Variants in TSPAN5 observed in about 807,000 individuals in gnomAD.
The protein encoded by TSPAN5 is tetraspanin 5.
In TSPAN5, 10 loss-of-function variants were observed where a neutral mutation model predicts 37.1. That is an observed-to-expected ratio of 0.27 (90% CI 0.17 to 0.46). The LOEUF is 0.46. TSPAN5 is among the 20% of genes least tolerant of loss of function. The probability of loss-of-function intolerance (pLI) is 1.00; values close to 1 mark genes in which losing one functional copy is unlikely to be tolerated. For synonymous variants in TSPAN5, 110 were observed against 118.9 expected (o/e 0.93, Z 0.48); for missense variants, 195 against 326.6 (o/e 0.60, Z 3.11).
At chr4:98,631,762 A>T (rs753721829) in intron 1 of TSPAN5, among the ~76,000 whole-genome samples, 4 of 152,200 alleles carry the variant, frequency 2.6e-5, no homozygotes, top group Non-Finnish European at 4.4e-5. Flanking sequence ...CTTGCAAAGC[A>T]TGTTCTCCTG....
chr4:98,653,648 G>A (rs531780499), intron 1 of TSPAN5, among the ~76,000 whole-genome samples: 9 of 152,078 alleles, frequency 5.9e-5, no homozygotes, highest in Admixed American at 2.0e-4. Context: ...GCCCTGTATG[G>A]AACCAGTATA....
chr4:98,544,064 T>A (rs1011021414), intron 1 of TSPAN5, among the ~76,000 whole-genome samples: 2 of 151,964 alleles, frequency 1.3e-5, no homozygotes, highest in Non-Finnish European at 2.9e-5. Context: ...CCTGTAGTCC[T>A]AGCTACTCGG....
chr4:98,543,486 G>A (rs1754405511), intron 1 of TSPAN5, among the ~76,000 whole-genome samples: 1 of 151,456 alleles, frequency 6.6e-6, no homozygotes, highest in Non-Finnish European at 1.5e-5. Context: ...CGTGATCTCG[G>A]CTCACCACAA....
At chr4:98,588,577 G>C (rs1041346586) in intron 1 of TSPAN5, among the ~76,000 whole-genome samples, 1 of 151,680 alleles carries the variant, frequency 6.6e-6, no homozygotes, top group African/African-American at 2.4e-5. Flanking sequence ...CATTATTGTT[G>C]AAATCTTCCA....
chr4:98,482,460 C>A (rs1752865201), intron 3 of TSPAN5: 2 of 242,964 alleles, frequency 8.2e-6, no homozygotes, highest in South Asian at 8.5e-5. Context: ...TCTCATTAGA[C>A]CCACATTAAG....
At chr4:98,533,552 T>TTTTTTTC (rs1754152265) in intron 1 of TSPAN5, among the ~76,000 whole-genome samples, 1 of 111,334 alleles carries the variant, frequency 9.0e-6, no homozygotes, top group African/African-American at 3.8e-5. Context: ...TCTTTTTTTT[T>TTTTTTTC]TTTTTTTTTT....
Position 98,645,281 on chromosome 4 carries a change from G to A in TSPAN5, c.81+12865C>T, listed in dbSNP as rs138577046. ...ACCAATAATAGCTACCTAGAAGTTAGTAAGTCATATTATTGTCATTATATG... is the reference window on the plus strand; with the variant it reads ...ACCAATAATAGCTACCTAGAAGTTAATAAGTCATATTATTGTCATTATATG... On this transcript the variant is annotated intron_variant, in intron 1 of 7. Transcript: ENST00000305798. Among the ~76,000 whole-genome samples, 257 of 152,280 alleles carry A rather than the reference G, an allele frequency of 1.7e-3. 1 individual carries two copies. Among genetic ancestry groups the A allele is most frequent in the African/African-American group, 6.0e-3 (249 of 41,558 alleles).
chr4:98,576,799 G>A (rs1254189110), intron 1 of TSPAN5, among the ~76,000 whole-genome samples: 2 of 152,046 alleles, frequency 1.3e-5, no homozygotes, highest in African/African-American at 2.4e-5. Context: ...TTGCTCTGTC[G>A]CCCAGGCTGG....
At chr4:98,525,795 A>G (rs1160165313) in intron 1 of TSPAN5, among the ~76,000 whole-genome samples, 1 of 152,168 alleles carries the variant, frequency 6.6e-6, no homozygotes, top group African/African-American at 2.4e-5. Context: ...TTTTGTCTGT[A>G]TCAAGTAGCC....
At chr4:98,507,506 C>A (rs575773393) in intron 2 of TSPAN5, among the ~76,000 whole-genome samples, 172 bp downstream of exon 2, 2 of 152,300 alleles carry the variant, frequency 1.3e-5, no homozygotes, top group East Asian at 3.9e-4. Flanking sequence ...AATTTAGGCA[C>A]AATTCCTAAA....
chr4:98,654,748 A>G (rs907698823), intron 1 of TSPAN5, among the ~76,000 whole-genome samples: 5 of 152,268 alleles, frequency 3.3e-5, no homozygotes, highest in African/African-American at 1.2e-4. Flanking sequence ...AATGACTCAC[A>G]GGACTACATT....
intron 4 of TSPAN5, among the ~76,000 whole-genome samples, chr4:98,481,377 C>T (rs953436763): frequency 2.6e-5 from 4 of 152,106 alleles, no homozygotes; most frequent in Non-Finnish European, 5.9e-5. Flanking sequence ...CTGAAAGAGC[C>T]ATTTCACAGG....
intron 1 of TSPAN5, among the ~76,000 whole-genome samples, chr4:98,603,302 G>C (rs1472411690): frequency 6.6e-6 from 1 of 152,120 alleles, no homozygotes; most frequent in Non-Finnish European, 1.5e-5. Context: ...AACAAATACA[G>C]ACATCCTTTG....
intron 1 of TSPAN5, among the ~76,000 whole-genome samples, chr4:98,559,582 C>T (rs2110166843): frequency 6.6e-6 from 1 of 152,244 alleles, no homozygotes; most frequent in East Asian, 1.9e-4. Flanking sequence ...TACTGATTTT[C>T]CTTGAATTAC....
intron 1 of TSPAN5, among the ~76,000 whole-genome samples, chr4:98,607,023 T>A (rs846012): frequency 6.6e-6 from 1 of 151,864 alleles, no homozygotes; most frequent in African/African-American, 2.4e-5. Flanking sequence ...GTGAGGCAGT[T>A]GGGGGAAGGG....
chr4:98,482,758 T>G (rs1752873891), intron 3 of TSPAN5: 1 of 152,158 alleles, frequency 6.6e-6, no homozygotes, highest in Non-Finnish European at 1.5e-5. Flanking sequence ...GACCGCGAAA[T>G]GAAAGTTATT....
At chr4:98,532,163 G>T (rs559002759) in intron 1 of TSPAN5, among the ~76,000 whole-genome samples, 1 of 152,216 alleles carries the variant, frequency 6.6e-6, no homozygotes, top group South Asian at 2.1e-4. Context: ...TACTGCCCAG[G>T]TTTTCTTCTA....
chr4:98,599,398 C>T (rs1755831296), intron 1 of TSPAN5, among the ~76,000 whole-genome samples: 1 of 152,128 alleles, frequency 6.6e-6, no homozygotes, highest in African/African-American at 2.4e-5. Flanking sequence ...AGAAGCACCA[C>T]AAATGTCTTT....
chr4:98,626,158 A>G (rs1361350356), intron 1 of TSPAN5, among the ~76,000 whole-genome samples: 4 of 152,146 alleles, frequency 2.6e-5, no homozygotes, highest in Non-Finnish European at 5.9e-5. Flanking sequence ...AATCTGCATC[A>G]CTCACGAACA....
Sources: gnomAD v4.1 joint callset for allele counts (sites outside exome capture counted in the v4.1 genomes callset) on GRCh38, gnomAD v4.1.1 for gene constraint, MANE v1.5 for transcripts, NCBI Gene and HGNC (gene_info 2026-07-23, HGNC 2026-07-21) for gene names.